Variants in FRMD4B observed in about 807,000 individuals in gnomAD.
The protein encoded by FRMD4B is FERM domain-containing protein 4B.
FRMD4B carries 74 observed loss-of-function variants against 141.5 expected under a neutral mutation model. The ratio of observed to expected loss-of-function variants is 0.52; its 90% confidence interval spans 0.43 to 0.63. The LOEUF is 0.63. FRMD4B is among the 30% of genes least tolerant of loss of function. The pLI, the probability that FRMD4B is intolerant of heterozygous loss-of-function variation, is 0.00. For synonymous variants in FRMD4B, 506 were observed against 467.9 expected, an observed-to-expected ratio of 1.08 and a Z score of -1.05; for missense variants, 1,366 against 1,253.4, an observed-to-expected ratio of 1.09 and a Z score of -1.36.
At chr3:69,206,730 C>G (rs368219100) in intron 11 of FRMD4B, among the ~76,000 whole-genome samples, 16 of 152,170 alleles carry the variant, frequency 1.1e-4, no homozygotes, top group East Asian at 5.8e-4. Flanking sequence ...ATTTTGAATA[C>G]ATTCTTTCTT....
At chr3:69,249,375 G>A (rs980506103) in intron 6 of FRMD4B, 127 bp from the exon 7 acceptor site, 27 of 637,210 alleles carry the variant, frequency 4.2e-5, no homozygotes, top group African/African-American at 4.1e-4. Context: ...TCTCAGGAAT[G>A]CTCTCCCTAT....
chr3:69,396,388 C>A (rs1395146366), intron 2 of FRMD4B, among the ~76,000 whole-genome samples: 1 of 151,996 alleles, frequency 6.6e-6, no homozygotes, highest in Non-Finnish European at 1.5e-5. Flanking sequence ...ACCTGTAATC[C>A]CAATTACTTG....
chr3:69,538,991 A>G (rs1201118311), intron 1 of FRMD4B, among the ~76,000 whole-genome samples: 1 of 152,228 alleles, frequency 6.6e-6, no homozygotes, highest in Non-Finnish European at 1.5e-5. Context: ...TAGGCTGATG[A>G]CAGTCATTTC....
chr3:69,353,081 T>G (rs560740578), intron 1 of FRMD4B, among the ~76,000 whole-genome samples: 1 of 107,222 alleles, frequency 9.3e-6, no homozygotes, highest in Non-Finnish European at 2.1e-5. Context: ...GAAACTCCAG[T>G]ATTTAAAATT....
At chr3:69,487,621 GA>G (rs904234587) in intron 1 of FRMD4B, among the ~76,000 whole-genome samples, 2 of 152,192 alleles carry the variant, frequency 1.3e-5, no homozygotes. Flanking sequence ...CTTCCTCTTA[GA>G]AGATGTCAAA....
rs2092883570 is a variant in FRMD4B at position 69,194,910 on chromosome 3, C to T, written c.1488+112G>A. ...ATTTGGTCTACACGATCCATCTGTACTGGTGAGATAACATACAGCAGAGAC... is the reference window on the plus strand; with the variant it reads ...ATTTGGTCTACACGATCCATCTGTATTGGTGAGATAACATACAGCAGAGAC... On this transcript the variant is annotated intron_variant, in intron 16 of 22. Coordinates refer to ENST00000398540, the MANE Select transcript of FRMD4B (RefSeq NM_015123.3). 2.4e-5 allele frequency: 22 copies of T among 931,994 alleles called. No homozygotes were observed. The South Asian group carries it at 3.4e-4, about 15-fold the overall frequency. The allele number at this position is 931,994 out of a possible 1,614,324, so 57.7% of individuals were successfully genotyped here.
chr3:69,339,223 T>C (rs4855393), intron 1 of FRMD4B, among the ~76,000 whole-genome samples: 151,245 of 152,118 alleles, frequency 0.99, 75,194 homozygotes, highest in East Asian at 1. Flanking sequence ...AACTTAATGT[T>C]AAACCCGAGT....
intron 1 of FRMD4B, among the ~76,000 whole-genome samples, chr3:69,524,543 A>G (rs1238318915): frequency 6.6e-6 from 1 of 152,236 alleles, no homozygotes; most frequent in African/African-American, 2.4e-5. Flanking sequence ...GTCCAAGTCC[A>G]AATAGAAAAC....
chr3:69,315,388 T>C (rs553421598), intron 1 of FRMD4B, among the ~76,000 whole-genome samples: 1 of 152,266 alleles, frequency 6.6e-6, no homozygotes, highest in Admixed American at 6.5e-5. Flanking sequence ...TATTTCATAT[T>C]ATTTTACTTT....
At chr3:69,440,397 C>T (rs965999661) in intron 1 of FRMD4B, among the ~76,000 whole-genome samples, 1 of 152,164 alleles carries the variant, frequency 6.6e-6, no homozygotes, top group Non-Finnish European at 1.5e-5. Flanking sequence ...TCTTTTCTGT[C>T]CTATTGATCT....
intron 7 of FRMD4B, among the ~76,000 whole-genome samples, chr3:69,238,976 A>T (rs2093363986): frequency 6.6e-6 from 1 of 152,180 alleles, no homozygotes; most frequent in African/African-American, 2.4e-5. Flanking sequence ...TATACTAAAA[A>T]ATTGCTCGTT....
chr3:69,398,000 G>T (rs1704500242), intron 2 of FRMD4B, among the ~76,000 whole-genome samples: 1 of 152,046 alleles, frequency 6.6e-6, no homozygotes, highest in Non-Finnish European at 1.5e-5. Context: ...CAGAAAGAAG[G>T]TGTTCAAATT....
At chr3:69,541,795 C>T (rs115639029) in intron 1 of FRMD4B, among the ~76,000 whole-genome samples, 3 of 151,536 alleles carry the variant, frequency 2.0e-5, no homozygotes, top group Non-Finnish European at 2.9e-5. Context: ...GATTTCCCCC[C>T]CCTCTTTTCG....
At chr3:69,329,098 A>G (rs1310897972) in intron 1 of FRMD4B, among the ~76,000 whole-genome samples, 1 of 152,198 alleles carries the variant, frequency 6.6e-6, no homozygotes. Context: ...ATTTACCAGC[A>G]TACCAGTGGA....
chr3:69,265,263 AAAAAAAATATATATAT>A (rs2093553755), intron 5 of FRMD4B, among the ~76,000 whole-genome samples: 1 of 22,480 alleles, frequency 4.4e-5, no homozygotes, highest in African/African-American at 1.5e-4. Flanking sequence ...TCAAAAAAAA[AAAAAAAATATATATAT>A]ATATATATAT....
chr3:69,369,301 T>C (rs942893921), intron 1 of FRMD4B, among the ~76,000 whole-genome samples: 1 of 152,176 alleles, frequency 6.6e-6, no homozygotes, highest in Non-Finnish European at 1.5e-5. Flanking sequence ...TATTTATTTC[T>C]TCATAGATTT....
intron 1 of FRMD4B, among the ~76,000 whole-genome samples, chr3:69,355,299 G>A (rs971810997): frequency 6.6e-6 from 1 of 152,150 alleles, no homozygotes; most frequent in Admixed American, 6.6e-5. Flanking sequence ...CTAATATTAG[G>A]AGTAAATTTT....
At chr3:69,312,483 G>C (rs1701633668) in intron 2 of FRMD4B, among the ~76,000 whole-genome samples, 1 of 152,336 alleles carries the variant, frequency 6.6e-6, no homozygotes, top group Non-Finnish European at 1.5e-5. Flanking sequence ...ATTTAGGTTT[G>C]GTTAGAGGAG....
At chr3:69,218,917 C>A (rs1002535002) in intron 9 of FRMD4B, among the ~76,000 whole-genome samples, 14 of 152,164 alleles carry the variant, frequency 9.2e-5, no homozygotes, top group African/African-American at 3.4e-4. Context: ...AATCCCAGCA[C>A]TTTGGGAGGC....
Sources: gnomAD v4.1 joint callset for allele counts (sites outside exome capture counted in the v4.1 genomes callset) on GRCh38, gnomAD v4.1.1 for gene constraint, MANE v1.5 for transcripts, NCBI Gene and HGNC (gene_info 2026-07-23, HGNC 2026-07-21) for gene names.